Variants in SH3RF1 observed in about 807,000 individuals in gnomAD.
SH3RF1 encodes the protein SH3 domain containing ring finger 1, also known as E3 ubiquitin-protein ligase SH3RF1.
SH3RF1 carries 32 observed loss-of-function variants against 74.0 expected under a neutral mutation model. That is an observed-to-expected ratio of 0.43 (90% CI 0.33 to 0.58). The LOEUF is 0.58. SH3RF1 is among the 20% of genes least tolerant of loss of function. The probability of loss-of-function intolerance (pLI) is 0.05; values close to 1 mark genes in which losing one functional copy is unlikely to be tolerated. For synonymous variants in SH3RF1, 396 were observed against 439.6 expected (o/e 0.90, Z 1.24); for missense variants, 954 against 1,130.9 (o/e 0.84, Z 2.24).
chr4:169,236,985 T>A (rs943210792), intron 2 of SH3RF1, among the ~76,000 whole-genome samples: 7 of 152,162 alleles, frequency 4.6e-5, no homozygotes, highest in African/African-American at 1.4e-4. Context: ...TTCTGTCTCA[T>A]CCCCTGCCAG....
chr4:169,156,354 G>A (rs1434335334), intron 3 of SH3RF1, 50 bp downstream of exon 3: 1 of 1,494,018 alleles, frequency 6.7e-7, no homozygotes, highest in Non-Finnish European at 8.9e-7. Flanking sequence ...TATGTATCTG[G>A]GTACAGAGGT....
chr4:169,138,227 A>G (rs1427931993), intron 4 of SH3RF1, among the ~76,000 whole-genome samples: 6 of 152,214 alleles, frequency 3.9e-5, no homozygotes, highest in Non-Finnish European at 2.9e-5. Context: ...GTAATGCTTT[A>G]TATTATAGTG....
chr4:169,117,789 A>C lies in SH3RF1; in HGVS notation c.1518-7T>G, dbSNP rs1416616755. 6.2e-7 allele frequency: 1 copy of C among 1,606,162 alleles called. No individual in the cohort carries two copies. The highest frequency in any genetic ancestry group is 1.1e-5 in the South Asian group (1 of 90,988). Reference sequence around the variant, plus strand: ...GGAAGCATTTGTCACCGCCCTGCCAAGACACAAACATAGATGGAAAGCCCA... The same window carrying C: ...GGAAGCATTTGTCACCGCCCTGCCACGACACAAACATAGATGGAAAGCCCA... On this transcript the variant is annotated splice_polypyrimidine_tract_variant and splice_region_variant and intron_variant, in intron 8 of 11. Transcript: ENST00000284637.
Position 169,107,113 on chromosome 4 carries a change from C to T in SH3RF1, c.2232G>A (p.Val744=). The T allele has an allele frequency of 6.2e-7, 1 of 1,613,854 alleles. No homozygotes were observed. Among genetic ancestry groups the T allele is most frequent in the Non-Finnish European group, 8.5e-7 (1 of 1,179,850 alleles). The change falls in exon 11 of 12, where the codon GTG becomes GTA. Residue 744 remains valine (V), a synonymous_variant. Transcript: ENST00000284637. The stretch of plus-strand genomic sequence containing the variant: ...GAGGAAGCTCTGCACTGCCCAGCTC[C>T]ACTTCTAGGGTGGGCGATGCTGGAG... ...VSPPASPTLE[V]ELGSAELPLQ... is the part of the protein sequence containing the mutation.
chr4:169,116,126 G>A, intron 10 of SH3RF1, 143 bp downstream of exon 10: 1 of 1,169,800 alleles, frequency 8.5e-7, no homozygotes, highest in Non-Finnish European at 1.2e-6. Context: ...CCTAGCACCT[G>A]GCATAGTGAC....
chr4:169,242,660 G>A (rs1327098927), intron 2 of SH3RF1, among the ~76,000 whole-genome samples: 1 of 152,136 alleles, frequency 6.6e-6, no homozygotes, highest in African/African-American at 2.4e-5. Context: ...GGCCCAATGG[G>A]AGATGTTTAG....
chr4:169,107,446 T>C (rs1733164952), intron 10 of SH3RF1, among the ~76,000 whole-genome samples: 1 of 152,216 alleles, frequency 6.6e-6, no homozygotes, highest in African/African-American at 2.4e-5. Context: ...ACCTGACCTT[T>C]TGCTTCTCCT....
chr4:169,175,294 C>A (rs575764890), intron 2 of SH3RF1, among the ~76,000 whole-genome samples: 44 of 152,296 alleles, frequency 2.9e-4, no homozygotes, highest in African/African-American at 9.4e-4. Flanking sequence ...TGCCTGTTAA[C>A]CTCAGAACGG....
rs763914450 is a variant in SH3RF1, at chr4:169,153,541, T to TA, written c.765+1938dup. On this transcript the variant is annotated intron_variant, in intron 4 of 11. Coordinates refer to ENST00000284637, the MANE Select transcript of SH3RF1 (RefSeq NM_020870.4). ...TTCCTATAGTTTGCTTTACCACAGC[T>TA]AAGAATGCCCTGTAAGACAATCGAC... is the stretch of plus-strand genomic sequence containing the variant. Among the ~76,000 whole-genome samples, 13 of 152,300 alleles carry TA rather than the reference T, an allele frequency of 8.5e-5. 1 individual carries two copies. The South Asian group carries it at 1.5e-3, about 17-fold the overall frequency.
At chr4:169,154,244 G>A (rs1200921856) in intron 4 of SH3RF1, among the ~76,000 whole-genome samples, 1 of 152,130 alleles carries the variant, frequency 6.6e-6, no homozygotes, top group Non-Finnish European at 1.5e-5. Flanking sequence ...CAATAAACAG[G>A]AACATCTGAA....
chr4:169,151,125 G>A (rs1469269283), intron 4 of SH3RF1, among the ~76,000 whole-genome samples: 2 of 152,100 alleles, frequency 1.3e-5, no homozygotes, highest in Admixed American at 6.5e-5. Flanking sequence ...AAGTTCATAG[G>A]TTGCTCATTC....
intron 2 of SH3RF1, among the ~76,000 whole-genome samples, chr4:169,247,408 G>GTT (rs964675244): frequency 2.9e-4 from 44 of 152,290 alleles, no homozygotes; most frequent in African/African-American, 1.0e-3. Context: ...TGATGAACAT[G>GTT]TGATAAGTGA....
At chr4:169,141,211 T>C (rs1050126937) in intron 4 of SH3RF1, among the ~76,000 whole-genome samples, 2 of 152,202 alleles carry the variant, frequency 1.3e-5, no homozygotes, top group African/African-American at 2.4e-5. Context: ...TTAAAACATA[T>C]CCTTCATTTT....
rs140738748 is a variant in SH3RF1, at chr4:169,105,437, G to T, written c.2498+1410C>A. ...CTAACACATTCCTAGAACCCCAGTG[G>T]GGTATCAAACAGAACTGCTCCCTTT... On this transcript the variant is annotated intron_variant, in intron 11 of 11. Transcript: ENST00000284637. 4.3e-3 allele frequency among the ~76,000 whole-genome samples: 659 copies of T among 152,284 alleles called. 6 individuals are homozygous for T. Among genetic ancestry groups the T allele is most frequent in the African/African-American group, 0.015 (632 of 41,556 alleles).
chr4:169,170,856 T>A (rs767301445), intron 2 of SH3RF1, among the ~76,000 whole-genome samples: 1 of 152,096 alleles, frequency 6.6e-6, no homozygotes, highest in Non-Finnish European at 1.5e-5. Flanking sequence ...GACACAAGGG[T>A]TCAGAGATAC....
At chr4:169,122,418 G>T in intron 6 of SH3RF1, 152 bp from the exon 7 acceptor site, 1 of 864,962 alleles carries the variant, frequency 1.2e-6, no homozygotes, top group Non-Finnish European at 1.7e-6. Context: ...CAGGCTAACT[G>T]ATATGAAAGC....
chr4:169,196,004 G>A (rs1424351344), intron 2 of SH3RF1, among the ~76,000 whole-genome samples: 2 of 152,102 alleles, frequency 1.3e-5, no homozygotes, highest in Admixed American at 6.6e-5. Flanking sequence ...AGTAGAGACA[G>A]GTTTTTGCCA....
intron 2 of SH3RF1, among the ~76,000 whole-genome samples, chr4:169,256,111 A>G (rs1731189603): frequency 6.6e-6 from 1 of 152,194 alleles, no homozygotes; most frequent in African/African-American, 2.4e-5. Flanking sequence ...AAGCACATCT[A>G]GTTTCCCTTA....
intron 4 of SH3RF1, among the ~76,000 whole-genome samples, chr4:169,144,818 A>T (rs1733846342): frequency 6.6e-6 from 1 of 152,082 alleles, no homozygotes; most frequent in Non-Finnish European, 1.5e-5. Flanking sequence ...CTTAACAACT[A>T]ATTTTTAAAA....
Sources: allele counts gnomAD v4.1 joint callset (sites outside exome capture counted in the v4.1 genomes callset), GRCh38; gene constraint gnomAD v4.1.1; transcripts MANE v1.5; gene names NCBI Gene and HGNC (gene_info 2026-07-23, HGNC 2026-07-21).